SFXN5: variants seen among roughly 807,000 people sequenced by gnomAD.
SFXN5 encodes the protein sideroflexin-5.
SFXN5 carries 43 observed loss-of-function variants against 50.2 expected under a neutral mutation model. The ratio of observed to expected loss-of-function variants is 0.86; its 90% confidence interval spans 0.67 to 1.11. SFXN5 has a LOEUF of 1.11. Ranked by LOEUF, SFXN5 falls within the 50% of genes least tolerant of loss-of-function variation. The probability of loss-of-function intolerance (pLI) is 0.00; values close to 1 mark genes in which losing one functional copy is unlikely to be tolerated. For missense variants in SFXN5, 463 were observed against 454.1 expected, an observed-to-expected ratio of 1.02 and a Z score of -0.18; for synonymous variants, 203 against 185.8, an observed-to-expected ratio of 1.09 and a Z score of -0.75.
chr2:72,987,796 A>G (rs1672093606), intron 10 of SFXN5, among the ~76,000 whole-genome samples: 1 of 152,210 alleles, frequency 6.6e-6, no homozygotes, highest in South Asian at 2.1e-4. Context: ...GAAAATATGA[A>G]TTAGTGTTGA....
chr2:73,012,650 ACACACAC>A (rs1410964979), intron 6 of SFXN5, among the ~76,000 whole-genome samples: 1 of 4,380 alleles, frequency 2.3e-4, no homozygotes, highest in East Asian at 5.6e-3. Context: ...TAGCCAAACA[ACACACAC>A]ACACACACAC....
chr2:73,048,611 T>G (rs188401015), intron 2 of SFXN5, among the ~76,000 whole-genome samples: 1 of 152,374 alleles, frequency 6.6e-6, no homozygotes, highest in Non-Finnish European at 1.5e-5. Flanking sequence ...TTCTTTAGAC[T>G]TTTATATGTC....
chr2:73,001,921 T>C (rs1673969028), intron 6 of SFXN5, among the ~76,000 whole-genome samples: 1 of 152,236 alleles, frequency 6.6e-6, no homozygotes, highest in South Asian at 2.1e-4. Context: ...TGCACAATCT[T>C]AAATATTTCT....
At chr2:73,052,207 G>A (rs983938743) in intron 2 of SFXN5, among the ~76,000 whole-genome samples, 7 of 152,222 alleles carry the variant, frequency 4.6e-5, no homozygotes, top group South Asian at 2.1e-4. Context: ...GGAAGCCCTC[G>A]TTCCTTTTTG....
At chr2:72,986,245 C>T (rs1671912024) in intron 10 of SFXN5, among the ~76,000 whole-genome samples, 2 of 152,208 alleles carry the variant, frequency 1.3e-5, no homozygotes, top group Admixed American at 1.3e-4. Context: ...GTGGCTGGTT[C>T]TCGGAATTCA....
chr2:72,977,985 A>AG (rs1365781143), intron 10 of SFXN5, among the ~76,000 whole-genome samples: 38 of 145,104 alleles, frequency 2.6e-4, no homozygotes, highest in African/African-American at 9.7e-4. Context: ...AAAAAAAAAA[A>AG]AAAGAAAGAA....
rs116085942 is a variant in SFXN5, at chr2:72,960,132, G to C, written c.945+999C>G. On this transcript the variant is annotated intron_variant, in intron 13 of 13. Coordinates refer to ENST00000272433, the MANE Select transcript of SFXN5 (RefSeq NM_144579.3). This position sits in a 1 kb window ranked among gnomAD's most constrained non-coding sequence, Gnocchi z 6.1. Reference sequence around the variant, plus strand: ...ACCCACCACCCTCGATTCCAGCACTGTTGTCATGCTGGTAGGCTCTACTTC... The same window carrying C: ...ACCCACCACCCTCGATTCCAGCACTCTTGTCATGCTGGTAGGCTCTACTTC... 5.6e-3 allele frequency among the ~76,000 whole-genome samples: 849 copies of C among 152,038 alleles called. 6 individuals are homozygous for C. Among genetic ancestry groups the C allele is most frequent in the Non-Finnish European group, 6.0e-3 (411 of 67,990 alleles).
chr2:73,033,382 G>A (rs559900207), intron 3 of SFXN5, among the ~76,000 whole-genome samples: 1 of 152,258 alleles, frequency 6.6e-6, no homozygotes, highest in East Asian at 1.9e-4. Context: ...TTTCTGATAT[G>A]TTAGAAGGAA....
intron 10 of SFXN5, among the ~76,000 whole-genome samples, chr2:72,985,529 C>T (rs1441299062): frequency 1.6e-5 from 2 of 122,272 alleles, no homozygotes; most frequent in African/African-American, 3.1e-5. Context: ...CAGATGAGAG[C>T]GATGGACATA....
chr2:72,999,134 G>A (rs1171423303), intron 8 of SFXN5, 120 bp from the exon 9 acceptor site: 2 of 1,005,106 alleles, frequency 2.0e-6, no homozygotes, highest in Middle Eastern at 2.2e-4. Context: ...GTGGGTAGAA[G>A]GAAGAGGCCC....
chr2:73,020,189 C>G (rs1559163156), intron 6 of SFXN5, 50 bp downstream of exon 6: 1 of 1,548,850 alleles, frequency 6.5e-7, no homozygotes, highest in Non-Finnish European at 8.9e-7. Flanking sequence ...TAAAGTTAGA[C>G]ATTTAAAATA....
chr2:73,047,235 AAAAAAAAAAAATATATATAT>A (rs1315765089), intron 2 of SFXN5, among the ~76,000 whole-genome samples: 122 of 28,164 alleles, frequency 4.3e-3, no homozygotes, highest in African/African-American at 0.01. Flanking sequence ...AAAAAAAAAA[AAAAAAAAAAAATATATATAT>A]ATATATATAT....
intron 3 of SFXN5, among the ~76,000 whole-genome samples, chr2:73,027,067 T>A (rs1404613426): frequency 6.7e-5 from 10 of 149,172 alleles, no homozygotes; most frequent in African/African-American, 1.2e-4. Context: ...TATTTATATT[T>A]AAAAAAAAAA....
intron 6 of SFXN5, among the ~76,000 whole-genome samples, chr2:73,008,368 G>C (rs576201487): frequency 1.2e-4 from 18 of 152,352 alleles, no homozygotes; most frequent in South Asian, 8.3e-4. Context: ...GGGAGAAGGA[G>C]AGGGGAGGGA....
rs1671679424 is a variant in SFXN5 at position 72,943,990 on chromosome 2, T to G, written c.*1032A>C. 6.6e-6 allele frequency: 1 copy of G among 152,298 alleles called. No homozygotes were observed. The allele number at this position is 152,298 out of a possible 1,614,324, so 9.4% of individuals were successfully genotyped here. A position where few individuals can be genotyped will look rare whatever the true frequency, so the allele number is the denominator to read the frequency against. On this transcript the variant is annotated 3_prime_UTR_variant, in exon 14 of 14. Coordinates refer to ENST00000272433, the MANE Select transcript of SFXN5 (RefSeq NM_144579.3). ...CCACTGCTCCTAGGTTGATGCTGCT[T>G]CTCTGATAGGTGTCTAAGGAGCTGG...
At chr2:72,975,637 C>T (rs1163284603) in intron 10 of SFXN5, among the ~76,000 whole-genome samples, 1 of 152,210 alleles carries the variant, frequency 6.6e-6, no homozygotes, top group African/African-American at 2.4e-5. Flanking sequence ...AACACAATTG[C>T]CTGTACATGT....
intron 8 of SFXN5, among the ~76,000 whole-genome samples, chr2:72,999,393 T>C (rs1277915316): frequency 6.6e-6 from 1 of 151,950 alleles, no homozygotes; most frequent in Non-Finnish European, 1.5e-5. Context: ...TGGAGCGCTT[T>C]CTAGGTGGAA....
chr2:73,059,181 G>C, intron 1 of SFXN5: 1 of 986,334 alleles, frequency 1.0e-6, no homozygotes, highest in Non-Finnish European at 1.2e-6. Context: ...CCAGAGCAGG[G>C]GCCGTGGAAA....
intron 10 of SFXN5, among the ~76,000 whole-genome samples, chr2:72,972,935 G>A (rs969465313): frequency 6.6e-6 from 1 of 152,084 alleles, no homozygotes; most frequent in African/African-American, 2.4e-5. Context: ...ACCAGGGTTT[G>A]GGGAGCTGGA....
Sources: gnomAD v4.1 joint callset for allele counts (sites outside exome capture counted in the v4.1 genomes callset) on GRCh38, gnomAD v4.1.1 for gene constraint, Gnocchi (gnomAD v3.1) non-coding constraint, MANE v1.5 for transcripts, NCBI Gene and HGNC (gene_info 2026-07-23, HGNC 2026-07-21) for gene names.